The following STAG1 variants were observed in gnomAD, a reference collection of about 807,000 sequenced individuals.
STAG1 encodes the protein STAG1 cohesin complex component.
STAG1 carries 26 observed loss-of-function variants against 170.9 expected under a neutral mutation model. That is an observed-to-expected ratio of 0.15 (90% CI 0.11 to 0.21). STAG1 has a LOEUF of 0.21. Among genes scored for constraint, STAG1 ranks in the 10% least tolerant of loss-of-function variants. STAG1 has a pLI of 1.00. For missense variants in STAG1, 964 were observed against 1,509.5 expected (o/e 0.64, Z 5.99); for synonymous variants, 514 against 497.7 (o/e 1.03, Z -0.44).
intron 7 of STAG1, among the ~76,000 whole-genome samples, chr3:136,503,485 C>T (rs1029173582): frequency 1.1e-4 from 16 of 152,176 alleles, no homozygotes; most frequent in Admixed American, 3.3e-4. Context: ...AAACCTCAAA[C>T]TTCTGTCTGT....
At chr3:136,650,217 C>A (rs57072516) in intron 1 of STAG1, among the ~76,000 whole-genome samples, 1,780 of 124,638 alleles carry the variant, frequency 0.014, 37 homozygotes, top group African/African-American at 0.051. Context: ...GCCTGGGTGA[C>A]AAAGTGAGAC....
intron 6 of STAG1, among the ~76,000 whole-genome samples, chr3:136,527,472 G>C (rs1232389297): frequency 6.6e-6 from 1 of 152,110 alleles, no homozygotes; most frequent in Non-Finnish European, 1.5e-5. Context: ...CTCTACACTG[G>C]TTATTCTAGT....
intron 1 of STAG1, among the ~76,000 whole-genome samples, chr3:136,726,501 G>A (rs544574309): frequency 6.6e-6 from 1 of 152,316 alleles, no homozygotes; most frequent in South Asian, 2.1e-4. Context: ...TCGGCTCACT[G>A]CAACCTCTGC....
At chr3:136,432,415 C>G (rs1244685710) in intron 16 of STAG1, among the ~76,000 whole-genome samples, 2 of 151,252 alleles carry the variant, frequency 1.3e-5, no homozygotes, top group East Asian at 3.9e-4. Context: ...AGTATGGTCA[C>G]ATTTTACTGT....
intron 4 of STAG1, among the ~76,000 whole-genome samples, chr3:136,571,123 C>A (rs1056854687): frequency 1.1e-4 from 16 of 152,196 alleles, no homozygotes; most frequent in African/African-American, 3.6e-4. Context: ...GAAGAAGTCA[C>A]TTCCTCACTT....
At chr3:136,563,550 T>G (rs940247604) in intron 5 of STAG1, among the ~76,000 whole-genome samples, 2 of 151,308 alleles carry the variant, frequency 1.3e-5, no homozygotes, top group Admixed American at 6.6e-5. Context: ...TCTCTCTCTC[T>G]CTCTCGCTCT....
At chr3:136,523,124 G>C (rs1934778712) in intron 6 of STAG1, among the ~76,000 whole-genome samples, 1 of 152,146 alleles carries the variant, frequency 6.6e-6, no homozygotes, top group Non-Finnish European at 1.5e-5. Flanking sequence ...TCTAGTTCTA[G>C]ATCCTTGAGG....
intron 9 of STAG1, among the ~76,000 whole-genome samples, chr3:136,479,221 TC>T (rs1268450561): frequency 1.0e-5 from 1 of 98,378 alleles, no homozygotes; most frequent in Non-Finnish European, 2.0e-5. Flanking sequence ...ATGCTATCCC[TC>T]CCCCCTCCCC....
intron 6 of STAG1, 111 bp from the exon 7 acceptor site, chr3:136,521,528 A>C: frequency 1.3e-6 from 1 of 790,548 alleles, no homozygotes; most frequent in Non-Finnish European, 2.0e-6. Context: ...CAGTTATAGA[A>C]AGAAATAGGT....
At chr3:136,361,562 T>C (rs1936863024) in intron 26 of STAG1, among the ~76,000 whole-genome samples, 2 of 152,210 alleles carry the variant, frequency 1.3e-5, no homozygotes, top group South Asian at 4.1e-4. Context: ...TTTTCATTCA[T>C]GCCAATCTGT....
intron 1 of STAG1, among the ~76,000 whole-genome samples, chr3:136,673,981 T>TATC (rs1295226350): frequency 6.0e-5 from 9 of 150,958 alleles, no homozygotes; most frequent in Non-Finnish European, 1.0e-4. Flanking sequence ...TGCATGCCTG[T>TATC]AGTCCCAGTT....
At chr3:136,605,503 G>C (rs1198097255) in intron 3 of STAG1, among the ~76,000 whole-genome samples, 1 of 152,132 alleles carries the variant, frequency 6.6e-6, no homozygotes, top group Non-Finnish European at 1.5e-5. Context: ...GACATTTCTT[G>C]AAACTCTCTT....
intron 13 of STAG1, among the ~76,000 whole-genome samples, chr3:136,454,866 T>C (rs142919017): frequency 9.0e-4 from 137 of 152,338 alleles, no homozygotes; most frequent in African/African-American, 3.0e-3. Flanking sequence ...CAAGACACTA[T>C]ACGTGTGTGG....
intron 32 of STAG1, among the ~76,000 whole-genome samples, chr3:136,339,726 A>G (rs1387633135): frequency 6.6e-6 from 1 of 152,162 alleles, no homozygotes; most frequent in Non-Finnish European, 1.5e-5. Flanking sequence ...AACTACTACA[A>G]TGTGTTGTCT....
intron 3 of STAG1, among the ~76,000 whole-genome samples, chr3:136,605,859 C>T (rs552985896): frequency 3.9e-5 from 6 of 152,294 alleles, no homozygotes; most frequent in Admixed American, 6.5e-5. Context: ...CAAGGCATAG[C>T]TTGGAGGGGC....
intron 10 of STAG1, among the ~76,000 whole-genome samples, chr3:136,474,556 TC>T (rs2089699122): frequency 6.6e-6 from 1 of 152,206 alleles, no homozygotes; most frequent in Non-Finnish European, 1.5e-5. Context: ...AATAGTGCCT[TC>T]ATAGCCAATA....
At chr3:136,488,758 T>C (rs2090065328) in intron 9 of STAG1, among the ~76,000 whole-genome samples, 1 of 152,200 alleles carries the variant, frequency 6.6e-6, no homozygotes, top group Non-Finnish European at 1.5e-5. Context: ...TTCAAGGAGA[T>C]ACAGTATAAA....
At chr3:136,585,619 A>C (rs1698890072) in intron 4 of STAG1, among the ~76,000 whole-genome samples, 1 of 151,466 alleles carries the variant, frequency 6.6e-6, no homozygotes, top group South Asian at 2.1e-4. Flanking sequence ...AATAATAATA[A>C]AAAAATAAAA....
chr3:136,376,501 T>C (rs575192798), intron 23 of STAG1, among the ~76,000 whole-genome samples: 240 of 152,124 alleles, frequency 1.6e-3, no homozygotes, highest in African/African-American at 5.5e-3. Context: ...TGTCCAAGTA[T>C]AGGGACTCAG....
Sources: allele counts gnomAD v4.1 joint callset (sites outside exome capture counted in the v4.1 genomes callset), GRCh38; gene constraint gnomAD v4.1.1; transcripts MANE v1.5; gene names NCBI Gene and HGNC (gene_info 2026-07-23, HGNC 2026-07-21).